Variants in ARB2A observed in about 807,000 individuals in gnomAD.
The protein encoded by ARB2A is ARB2 cotranscriptional regulator A.
At chr5:93,841,430 G>C in the ARB2A span, among the ~76,000 whole-genome samples, 1 of 152,164 alleles carries the variant, frequency 6.6e-6, no homozygotes, top group South Asian at 2.1e-4. Context: ...ATGGGAGGAT[G>C]TGTATAGGCT....
At chr5:93,758,791 C>T in the ARB2A span, among the ~76,000 whole-genome samples, 9 of 152,110 alleles carry the variant, frequency 5.9e-5, no homozygotes, top group East Asian at 1.7e-3. Flanking sequence ...ACCTCAAAAA[C>T]ACTGAAAGAG....
the ARB2A span, among the ~76,000 whole-genome samples, chr5:93,930,135 T>A: frequency 1.2e-4 from 19 of 152,302 alleles, no homozygotes; most frequent in Non-Finnish European, 7.4e-5. Flanking sequence ...GTATCCAAGA[T>A]CTCTTACTGG....
At chr5:93,970,225 C>T in the ARB2A span, among the ~76,000 whole-genome samples, 1 of 152,012 alleles carries the variant, frequency 6.6e-6, no homozygotes, top group South Asian at 2.1e-4. Context: ...CACCAATACC[C>T]ATACATCACC....
At chr5:93,983,170 GGTGTGTGTGTGTGTGTGTGTGTGTGT>G in the ARB2A span, among the ~76,000 whole-genome samples, 189 of 125,530 alleles carry the variant, frequency 1.5e-3, no homozygotes, top group East Asian at 8.3e-3. Context: ...GCTGTGGAGA[GGTGTGTGTGTGTGTGTGTGTGTGTGT>G]GTGTGTGTGT....
chr5:93,763,464 T>C, the ARB2A span, among the ~76,000 whole-genome samples: 7 of 152,104 alleles, frequency 4.6e-5, no homozygotes, highest in Admixed American at 6.5e-5. Flanking sequence ...CATTACATAA[T>C]TGTAAAGGGA....
At chr5:93,852,554 C>T in the ARB2A span, among the ~76,000 whole-genome samples, 1 of 152,022 alleles carries the variant, frequency 6.6e-6, no homozygotes, top group African/African-American at 2.4e-5. Context: ...AATGGTAATG[C>T]CTAGGTTTTC....
At chr5:93,631,501 G>A in the ARB2A span, among the ~76,000 whole-genome samples, 1 of 152,126 alleles carries the variant, frequency 6.6e-6, no homozygotes, top group African/African-American at 2.4e-5. Context: ...ATTTTCAAAA[G>A]TAACTTTACT....
the ARB2A span, among the ~76,000 whole-genome samples, chr5:93,754,575 C>T: frequency 1.3e-5 from 2 of 152,296 alleles, no homozygotes; most frequent in East Asian, 3.9e-4. Context: ...CATGCACCAG[C>T]CAAAGCAAGC....
chr5:93,883,920 C>CAT, the ARB2A span, among the ~76,000 whole-genome samples: 2 of 104,746 alleles, frequency 1.9e-5, no homozygotes, highest in African/African-American at 6.7e-5. Context: ...CATACACATA[C>CAT]ACATACACAC....
At chr5:93,928,724 T>C in the ARB2A span, among the ~76,000 whole-genome samples, 3 of 152,102 alleles carry the variant, frequency 2.0e-5, no homozygotes, top group Non-Finnish European at 4.4e-5. Flanking sequence ...ACTGACATTT[T>C]AATAATAGGA....
the ARB2A span, chr5:93,619,288 C>CT: frequency 6.6e-6 from 1 of 152,096 alleles, no homozygotes; most frequent in African/African-American, 2.4e-5. Flanking sequence ...ATTTTTCCTC[C>CT]TATATAGTTG....
At chr5:93,698,319 T>A in the ARB2A span, among the ~76,000 whole-genome samples, 1 of 152,162 alleles carries the variant, frequency 6.6e-6, no homozygotes, top group Non-Finnish European at 1.5e-5. Context: ...TTCCAGGTGC[T>A]AGGGATGTAT....
chr5:93,646,213 T>C, the ARB2A span, among the ~76,000 whole-genome samples: 1 of 152,142 alleles, frequency 6.6e-6, no homozygotes, highest in East Asian at 1.9e-4. Flanking sequence ...CGATTTTAGA[T>C]TTTCACAAGG....
the ARB2A span, among the ~76,000 whole-genome samples, chr5:93,664,211 G>A: frequency 6.6e-6 from 1 of 151,966 alleles, no homozygotes; most frequent in Non-Finnish European, 1.5e-5. Flanking sequence ...TTCCCAAGTA[G>A]CTAAGACTAC....
the ARB2A span, among the ~76,000 whole-genome samples, chr5:94,024,117 T>A: frequency 6.6e-6 from 1 of 152,210 alleles, no homozygotes. Context: ...GTTAATTTTA[T>A]GTCAATTTAG....
chr5:94,026,232 G>A, the ARB2A span, among the ~76,000 whole-genome samples: 26 of 152,238 alleles, frequency 1.7e-4, no homozygotes, highest in African/African-American at 5.5e-4. Context: ...CTACCCTGCA[G>A]CTCCAGGGCT....
chr5:94,060,134 C>T, the ARB2A span, among the ~76,000 whole-genome samples: 82 of 152,214 alleles, frequency 5.4e-4, no homozygotes, highest in African/African-American at 1.9e-3. Flanking sequence ...CCAAGGCAGG[C>T]AGATCACGAG....
the ARB2A span, among the ~76,000 whole-genome samples, chr5:93,837,875 T>C: frequency 6.6e-6 from 1 of 152,200 alleles, no homozygotes; most frequent in East Asian, 1.9e-4. Flanking sequence ...GCTTATAAAT[T>C]TGTTTAAGTT....
chr5:93,848,252 G>A, the ARB2A span, among the ~76,000 whole-genome samples: 5 of 152,008 alleles, frequency 3.3e-5, no homozygotes, highest in Non-Finnish European at 7.4e-5. Flanking sequence ...GTGTGGTAGT[G>A]CATGCCTGTA....
Sources: allele counts gnomAD v4.1 joint callset (sites outside exome capture counted in the v4.1 genomes callset), GRCh38; gene constraint gnomAD v4.1.1; transcripts MANE v1.5; gene names NCBI Gene and HGNC (gene_info 2026-07-23, HGNC 2026-07-21).